The following ZZZ3 variants were observed in gnomAD, a reference collection of about 807,000 sequenced individuals.
The protein encoded by ZZZ3 is zinc finger ZZ-type containing 3.
ZZZ3 carries 22 observed loss-of-function variants against 95.2 expected under a neutral mutation model. The observed-to-expected ratio is 0.23, with a 90% CI of 0.17 to 0.33. The LOEUF (loss-of-function observed/expected upper bound fraction) is 0.33, where lower values mean the gene tolerates loss of function less well. ZZZ3 is among the 10% of genes least tolerant of loss of function. The pLI is 1.00. For synonymous variants in ZZZ3, 335 were observed against 358.9 expected (o/e 0.93, Z 0.75); for missense variants, 885 against 1,066.5 (o/e 0.83, Z 2.37).
At chr1:77,603,277 C>T (rs1268054213) in intron 5 of ZZZ3, among the ~76,000 whole-genome samples, 1 of 152,104 alleles carries the variant, frequency 6.6e-6, no homozygotes, top group African/African-American at 2.4e-5. Context: ...CAGGGTTTTA[C>T]CATGTTGCCC....
At chr1:77,678,533 T>C (rs1385207374) in intron 1 of ZZZ3, among the ~76,000 whole-genome samples, 2 of 152,360 alleles carry the variant, frequency 1.3e-5, no homozygotes, top group East Asian at 1.9e-4. Flanking sequence ...ATCATTGTGA[T>C]GCATCAACTT....
chr1:77,566,320 A>C, intron 13 of ZZZ3, 139 bp from the exon 14 acceptor site: 2 of 506,064 alleles, frequency 4.0e-6, no homozygotes, highest in Non-Finnish European at 7.0e-6. Flanking sequence ...TAACACACAA[A>C]TGGTTATGTG....
chr1:77,617,776 GAA>G (rs551912442), intron 5 of ZZZ3, among the ~76,000 whole-genome samples: 14 of 111,264 alleles, frequency 1.3e-4, no homozygotes, highest in South Asian at 2.9e-4. Flanking sequence ...TGCCTCTACT[GAA>G]AAAAAAAAAA....
intron 5 of ZZZ3, among the ~76,000 whole-genome samples, chr1:77,623,642 T>C (rs368908016): frequency 1.3e-5 from 2 of 152,072 alleles, no homozygotes; most frequent in South Asian, 4.1e-4. Context: ...TCAGAACAAA[T>C]GTCAACATTT....
intron 1 of ZZZ3, among the ~76,000 whole-genome samples, chr1:77,672,235 T>G (rs1023261133): frequency 6.6e-6 from 1 of 152,212 alleles, no homozygotes; most frequent in East Asian, 1.9e-4. Flanking sequence ...GTAAATTCCC[T>G]GATAGGTGCC....
intron 5 of ZZZ3, among the ~76,000 whole-genome samples, chr1:77,626,545 A>T (rs942850197): frequency 6.6e-6 from 1 of 152,126 alleles, no homozygotes. Flanking sequence ...TCGTGCTCCT[A>T]TGAGAATCTA....
chr1:77,670,250 C>A, intron 1 of ZZZ3, among the ~76,000 whole-genome samples: 1 of 142,700 alleles, frequency 7.0e-6, no homozygotes, highest in South Asian at 2.4e-4. Flanking sequence ...CTTGAACATA[C>A]AACATGCAAT....
At chr1:77,605,171 C>T (rs2100697017) in intron 5 of ZZZ3, among the ~76,000 whole-genome samples, 1 of 152,254 alleles carries the variant, frequency 6.6e-6, no homozygotes, top group Middle Eastern at 3.4e-3. Flanking sequence ...TTGCAGATGC[C>T]ACCCCTTCCC....
intron 5 of ZZZ3, among the ~76,000 whole-genome samples, chr1:77,593,718 A>G (rs547143833): frequency 1.6e-4 from 24 of 152,306 alleles, no homozygotes; most frequent in African/African-American, 5.5e-4. Context: ...ATACTTCATT[A>G]GTCTTATATG....
At chr1:77,655,572 G>A (rs1452727547) in intron 1 of ZZZ3, among the ~76,000 whole-genome samples, 1 of 152,160 alleles carries the variant, frequency 6.6e-6, no homozygotes. Context: ...TTGCTACCCA[G>A]TCTATGGTTT....
At chr1:77,673,335 G>A (rs1219479951) in intron 1 of ZZZ3, among the ~76,000 whole-genome samples, 1 of 152,122 alleles carries the variant, frequency 6.6e-6, no homozygotes, top group African/African-American at 2.4e-5. Flanking sequence ...GGTGGCTCAC[G>A]CCTGTGATCC....
chr1:77,600,556 A>G (rs1664632653), intron 5 of ZZZ3, among the ~76,000 whole-genome samples: 1 of 152,180 alleles, frequency 6.6e-6, no homozygotes, highest in Admixed American at 6.6e-5. Flanking sequence ...TCAAACAAAA[A>G]TCTCTAAGGG....
intron 12 of ZZZ3, among the ~76,000 whole-genome samples, chr1:77,574,023 G>T (rs1421585033): frequency 1.3e-5 from 2 of 150,576 alleles, no homozygotes; most frequent in Non-Finnish European, 3.0e-5. Context: ...TCCAACCATG[G>T]CAACAGTGAG....
chr1:77,580,933 A>T, intron 9 of ZZZ3, 65 bp downstream of exon 9: 1 of 1,396,922 alleles, frequency 7.2e-7, no homozygotes, highest in East Asian at 2.3e-5. Context: ...GCCTCATAAT[A>T]CTGACTCTGA....
chr1:77,648,385 A>T (rs990913816), intron 1 of ZZZ3, among the ~76,000 whole-genome samples: 9 of 151,640 alleles, frequency 5.9e-5, no homozygotes, highest in Admixed American at 5.3e-4. Context: ...ATAAAGAAGC[A>T]GGAAAATATC....
intron 13 of ZZZ3, among the ~76,000 whole-genome samples, chr1:77,567,608 GC>G (rs1259352217): frequency 1.3e-5 from 2 of 152,280 alleles, no homozygotes; most frequent in Admixed American, 1.3e-4. Context: ...ATGTACTCTA[GC>G]CACGCTCAAC....
intron 12 of ZZZ3, among the ~76,000 whole-genome samples, chr1:77,571,368 T>C (rs2100486995): frequency 6.6e-6 from 1 of 152,290 alleles, no homozygotes; most frequent in Non-Finnish European, 1.5e-5. Flanking sequence ...ATGTAAATGG[T>C]ACAGCTCCTA....
At chr1:77,680,214 G>A (rs1194191328) in intron 1 of ZZZ3, among the ~76,000 whole-genome samples, 1 of 152,188 alleles carries the variant, frequency 6.6e-6, no homozygotes, top group African/African-American at 2.4e-5. Flanking sequence ...TTTTATGACA[G>A]GAAATATCTA....
At chr1:77,643,082 T>G (rs955384233) in intron 1 of ZZZ3, among the ~76,000 whole-genome samples, 1 of 151,908 alleles carries the variant, frequency 6.6e-6, no homozygotes, top group African/African-American at 2.4e-5. Flanking sequence ...CATGTGGTGG[T>G]GTGCGCCTGT....
Sources: gnomAD v4.1 joint callset for allele counts (sites outside exome capture counted in the v4.1 genomes callset) on GRCh38, gnomAD v4.1.1 for gene constraint, MANE v1.5 for transcripts, NCBI Gene and HGNC (gene_info 2026-07-23, HGNC 2026-07-21) for gene names.